TET2: variants seen among roughly 807,000 people sequenced by gnomAD.
The protein encoded by TET2 is tet methylcytosine dioxygenase 2, also known as methylcytosine dioxygenase TET2.
Under a neutral mutation model 142.9 loss-of-function variants are expected in TET2, and 299 were observed. The ratio of observed to expected loss-of-function variants is 2.09; its 90% CI spans 1.90 to 2.30. The LOEUF (loss-of-function observed/expected upper bound fraction) is 2.30, where lower values mean the gene tolerates loss of function less well. TET2 is among the 30% of genes most tolerant of loss of function. The pLI is 0.00. For missense variants in TET2, 2,418 were observed against 2,378.0 expected (o/e 1.02, Z -0.35); for synonymous variants, 819 against 849.0 (o/e 0.96, Z 0.61).
intron 2 of TET2, among the ~76,000 whole-genome samples, chr4:105,191,972 G>A (rs1486805969): frequency 6.6e-6 from 1 of 152,040 alleles, no homozygotes; most frequent in Admixed American, 6.5e-5. Context: ...TATGAATAAA[G>A]CATTCTTTAC....
At chr4:105,243,854 A>G (rs1729447034) in intron 6 of TET2, 76 bp downstream of exon 6, 1 of 1,325,482 alleles carries the variant, frequency 7.5e-7, no homozygotes, top group Admixed American at 2.0e-5. Context: ...AAAGGAAGAG[A>G]GTTCAGCGTG....
intron 2 of TET2, among the ~76,000 whole-genome samples, chr4:105,223,998 A>T (rs1728018335): frequency 6.6e-6 from 1 of 152,172 alleles, no homozygotes; most frequent in African/African-American, 2.4e-5. Flanking sequence ...GTATTAGGAC[A>T]TGCAAAACTT....
intron 2 of TET2, among the ~76,000 whole-genome samples, chr4:105,223,811 C>G (rs1728006236): frequency 6.6e-6 from 1 of 152,006 alleles, no homozygotes; most frequent in African/African-American, 2.4e-5. Context: ...GAGGTGAAGC[C>G]TGTCAGTGGA....
intron 6 of TET2, 33 bp downstream of exon 6, chr4:105,243,811 C>T (rs766735862): frequency 1.2e-5 from 19 of 1,532,332 alleles, no homozygotes; most frequent in East Asian, 7.4e-5. Context: ...CCCCTCTTTG[C>T]GGCCACTGAT....
In TET2 at chr4:105,277,250, C is replaced by T. The variant is rs1731268471; in HGVS notation, c.*731C>T. The T allele has an allele frequency of 4.4e-6, 1 of 227,372 alleles. No individual in the cohort carries two copies. Among genetic ancestry groups the T allele is most frequent in the African/African-American group, 2.2e-5 (1 of 45,040 alleles). The allele number at this position is 227,372 out of a possible 1,614,324, so 14.1% of individuals were successfully genotyped here. A position where few individuals can be genotyped will look rare whatever the true frequency, so the allele number is the denominator to read the frequency against. ...CAAGTTTTTATCATAATTACCTATT[C>T]TTACACAAGCTTAGTTTTTAAAATG... On this transcript the variant is annotated 3_prime_UTR_variant, in exon 11 of 11. Coordinates refer to ENST00000380013, the MANE Select transcript of TET2 (RefSeq NM_001127208.3).
intron 2 of TET2, among the ~76,000 whole-genome samples, chr4:105,192,854 T>C (rs116061711): frequency 0.014 from 2,110 of 152,136 alleles, 30 homozygotes; most frequent in Non-Finnish European, 0.021. Flanking sequence ...ATTGAAGATA[T>C]AGTAGTCAAG....
chr4:105,150,461 C>G (rs1409914816), intron 1 of TET2, among the ~76,000 whole-genome samples: 1 of 152,180 alleles, frequency 6.6e-6, no homozygotes, highest in Admixed American at 6.5e-5. Context: ...ACCTTGGGAA[C>G]AGGCTAAAAC....
chr4:105,168,975 A>C (rs945750008), intron 1 of TET2, among the ~76,000 whole-genome samples: 2 of 152,132 alleles, frequency 1.3e-5, no homozygotes, highest in Admixed American at 1.3e-4. Context: ...AGTTTCTTTA[A>C]CTACTCACCG....
chr4:105,220,649 A>T (rs535588666), intron 2 of TET2, among the ~76,000 whole-genome samples: 1 of 152,180 alleles, frequency 6.6e-6, no homozygotes, highest in South Asian at 2.1e-4. Context: ...AGGACTTTGG[A>T]TGTTGCTATT....
At chr4:105,242,426 G>T in intron 4 of TET2, 1 of 1,086,080 alleles carries the variant, frequency 9.2e-7, no homozygotes. Flanking sequence ...AGACATTCTT[G>T]GAGGAACAGT....
intron 1 of TET2, among the ~76,000 whole-genome samples, chr4:105,158,737 A>G (rs957490909): frequency 1.3e-5 from 2 of 152,174 alleles, no homozygotes; most frequent in Admixed American, 1.3e-4. Flanking sequence ...CCTAAATTGA[A>G]TTAGGTAGAG....
At chr4:105,213,054 T>C (rs1200108756) in intron 2 of TET2, among the ~76,000 whole-genome samples, 1 of 151,924 alleles carries the variant, frequency 6.6e-6, no homozygotes, top group Non-Finnish European at 1.5e-5. Context: ...TCCATTGGAG[T>C]TTTATTTTAC....
chr4:105,236,933 A>G lies in TET2; in HGVS notation c.2991A>G (p.Pro997=). The G allele has an allele frequency of 6.2e-7, 1 of 1,614,136 alleles. No individual in the cohort carries two copies. Among genetic ancestry groups the G allele is most frequent in the East Asian group, 2.2e-5 (1 of 44,854 alleles). Residue 997 remains proline (P), a synonymous_variant, in exon 3 of 11, where the codon CCA becomes CCG. Coordinates refer to ENST00000380013, the MANE Select transcript of TET2 (RefSeq NM_001127208.3). The stretch of plus-strand genomic sequence containing the variant: ...CACATGCCTGTATGCACACAGCACC[A>G]CCAGAAAACAAAACATGGAAAAAGG... The part of the protein sequence containing the change: ...CKPHACMHTA[P]PENKTWKKVT...
chr4:105,184,816 C>T (rs529313612), intron 1 of TET2, among the ~76,000 whole-genome samples: 2 of 152,154 alleles, frequency 1.3e-5, no homozygotes, highest in East Asian at 3.9e-4. Context: ...GAGTAACGTG[C>T]TGATTAGTGA....
chr4:105,236,749 G>A lies in TET2; in HGVS notation c.2807G>A (p.Ser936Asn). The A allele has an allele frequency of 6.2e-7, 1 of 1,614,096 alleles. No homozygotes were observed. Among genetic ancestry groups the A allele is most frequent in the South Asian group, 1.1e-5 (1 of 91,082 alleles). The change falls in exon 3 of 11, where the codon AGT (serine) becomes AAT (asparagine). Residue 936 changes from serine to asparagine, a missense_variant. Coordinates refer to ENST00000380013, the MANE Select transcript of TET2 (RefSeq NM_001127208.3). ...NVFPVPDQGGSHTQTPPQKDT... is the reference protein window; with the variant it reads ...NVFPVPDQGGNHTQTPPQKDT... ...TTTCCTGTGCCTGACCAGGGAGGAA[G>A]TCACACTCAGACCCCTCCCCAGAAG...
rs1363759010 is a variant in TET2 at position 105,242,877 on chromosome 4, T to C, written c.3544T>C (p.Tyr1182His). Residue 1182 changes from tyrosine (Y) to histidine (H), a missense_variant, in exon 5 of 11, where the codon TAT becomes CAT. Transcript: ENST00000380013. ...AGCTATTAGGATTGAAAGAGTCATC[T>C]ATACTGGTAAAGAAGGCAAAAGTTC... ...GKAIRIERVI[Y>H]TGKEGKSSQG... 1 of 1,551,396 alleles carries C rather than the reference T, an allele frequency of 6.4e-7. No individual in the cohort carries two copies. The highest frequency in any genetic ancestry group is 8.7e-7 in the Non-Finnish European group (1 of 1,146,912).
chr4:105,235,128 A>G lies in TET2; in HGVS notation c.1186A>G (p.Thr396Ala), dbSNP rs1728767032. Residue 396 changes from threonine to alanine, a missense_variant, in exon 3 of 11, where the codon ACC (threonine) becomes GCC (alanine). Coordinates refer to ENST00000380013, the MANE Select transcript of TET2 (RefSeq NM_001127208.3). ...VFTKDSFSAT[T>A]TPPPPSQLLL... is the part of the protein sequence containing the mutation. ...CACTAAGGATTCCTTTTCTGCCACT[A>G]CCACACCACCACCACCATCACAATT... 2.5e-6 allele frequency: 4 copies of G among 1,613,780 alleles called. No individual in the cohort carries two copies. The highest frequency in any genetic ancestry group is 3.4e-6 in the Non-Finnish European group (4 of 1,179,866).
intron 1 of TET2, among the ~76,000 whole-genome samples, chr4:105,176,190 A>G (rs1724784436): frequency 6.6e-6 from 1 of 152,212 alleles, no homozygotes; most frequent in African/African-American, 2.4e-5. Flanking sequence ...AGTTTACATC[A>G]TACTTAATTT....
At chr4:105,163,621 C>T (rs9790517) in intron 1 of TET2, among the ~76,000 whole-genome samples, 31,173 of 152,044 alleles carry the variant, frequency 0.21, 4,150 homozygotes, top group East Asian at 0.62. Flanking sequence ...CTATTACTCT[C>T]CTCACTTTAC....
Sources: allele counts gnomAD v4.1 joint callset (sites outside exome capture counted in the v4.1 genomes callset), GRCh38; gene constraint gnomAD v4.1.1; transcripts MANE v1.5; gene names NCBI Gene and HGNC (gene_info 2026-07-23, HGNC 2026-07-21).